Variants in KCNJ6 observed in about 807,000 individuals in gnomAD.
KCNJ6 encodes the protein potassium inwardly rectifying channel subfamily J member 6.
In KCNJ6, 9 loss-of-function variants were observed where a neutral mutation model predicts 34.2. The ratio of observed to expected loss-of-function variants is 0.26; its 90% CI spans 0.16 to 0.46. KCNJ6 has a LOEUF of 0.46. KCNJ6 is among the 20% of genes least tolerant of loss of function. The pLI is 1.00. For missense variants in KCNJ6, 236 were observed against 531.3 expected (o/e 0.44, Z 5.46); for synonymous variants, 196 against 207.1 (o/e 0.95, Z 0.46).
chr21:37,855,198 C>CT (rs2123595525), intron 1 of KCNJ6, among the ~76,000 whole-genome samples: 1 of 152,194 alleles, frequency 6.6e-6, no homozygotes, highest in East Asian at 1.9e-4. Flanking sequence ...TTCTTTTTCT[C>CT]TTTTTTACTT....
intron 3 of KCNJ6, among the ~76,000 whole-genome samples, chr21:37,672,268 GCTTCT>G (rs758993930): frequency 1.3e-5 from 2 of 152,038 alleles, no homozygotes; most frequent in Non-Finnish European, 2.9e-5. Context: ...TAGGAAGGAA[GCTTCT>G]CTTTTCTGTG....
chr21:37,797,072 CTTT>C (rs1163473871), intron 2 of KCNJ6, among the ~76,000 whole-genome samples: 3 of 151,890 alleles, frequency 2.0e-5, no homozygotes, highest in African/African-American at 7.3e-5. Context: ...GGCTTTCTTT[CTTT>C]TTTTAAGATG....
At chr21:37,778,083 TC>T (rs1423960182) in intron 2 of KCNJ6, among the ~76,000 whole-genome samples, 6 of 152,200 alleles carry the variant, frequency 3.9e-5, no homozygotes, top group Non-Finnish European at 5.9e-5. Context: ...CCTGAAGCGT[TC>T]AGGCATTCTG....
intron 3 of KCNJ6, among the ~76,000 whole-genome samples, chr21:37,694,541 G>A (rs576999026): frequency 6.6e-6 from 1 of 152,284 alleles, no homozygotes; most frequent in African/African-American, 2.4e-5. Flanking sequence ...ATTTTAGTCT[G>A]CAAAAAGTCA....
At chr21:37,874,707 G>A (rs2055669154) in intron 1 of KCNJ6, among the ~76,000 whole-genome samples, 1 of 152,148 alleles carries the variant, frequency 6.6e-6, no homozygotes, top group Non-Finnish European at 1.5e-5. Context: ...AGGAATGATG[G>A]GAGGGTGACA....
At chr21:37,914,054 T>TGC (rs1178811098) in intron 1 of KCNJ6, among the ~76,000 whole-genome samples, 1 of 150,898 alleles carries the variant, frequency 6.6e-6, no homozygotes, top group Non-Finnish European at 1.5e-5. Flanking sequence ...TGTGTGTCTG[T>TGC]GCGCGCGCGC....
intron 2 of KCNJ6, among the ~76,000 whole-genome samples, chr21:37,828,551 C>T (rs2055409751): frequency 1.3e-5 from 2 of 152,170 alleles, no homozygotes; most frequent in African/African-American, 4.8e-5. Context: ...CTTTCGGTGA[C>T]AAAGTAACAT....
At chr21:37,803,071 C>T (rs926422477) in intron 2 of KCNJ6, among the ~76,000 whole-genome samples, 8 of 152,212 alleles carry the variant, frequency 5.3e-5, no homozygotes, top group Non-Finnish European at 8.8e-5. Flanking sequence ...AAATAGTTGA[C>T]GTCCTTGGCT....
chr21:37,629,064 G>T (rs1405220370), intron 3 of KCNJ6, among the ~76,000 whole-genome samples: 2 of 152,026 alleles, frequency 1.3e-5, no homozygotes, highest in Non-Finnish European at 2.9e-5. Context: ...AAAATAAAAA[G>T]ACACTAGATA....
At position 37,807,468 on chromosome 21, in the gene KCNJ6, C is replaced by T. The variant is rs937915669; in HGVS notation, c.25+33190G>A. Reference sequence around the variant, plus strand: ...CATATTTAAGAACACAGTCATGTGTCGCATAACAACGTTTCTGTCATTGAC... The same window carrying T: ...CATATTTAAGAACACAGTCATGTGTTGCATAACAACGTTTCTGTCATTGAC... On this transcript the variant is annotated intron_variant, in intron 2 of 3. Coordinates refer to ENST00000609713, the MANE Select transcript of KCNJ6 (RefSeq NM_002240.5). Among the ~76,000 whole-genome samples, 7 of 152,304 alleles carry T rather than the reference C, an allele frequency of 4.6e-5. 1 individual carries two copies. The highest frequency in any genetic ancestry group is 4.1e-4 in the South Asian group (2 of 4,826).
chr21:37,688,383 A>T (rs3787817), intron 3 of KCNJ6, among the ~76,000 whole-genome samples: 2,223 of 114,292 alleles, frequency 0.019, 44 homozygotes, highest in African/African-American at 0.051. Context: ...TTTTTTTTAA[A>T]AAATCTACTA....
chr21:37,826,585 T>C (rs2154556), intron 2 of KCNJ6, among the ~76,000 whole-genome samples: 54,809 of 151,700 alleles, frequency 0.36, 11,045 homozygotes, highest in African/African-American at 0.54. Context: ...AAATACTTAG[T>C]GACTACTTGG....
chr21:37,757,787 C>T (rs1476929711), intron 2 of KCNJ6, among the ~76,000 whole-genome samples: 4 of 152,374 alleles, frequency 2.6e-5, no homozygotes, highest in Middle Eastern at 3.4e-3. Flanking sequence ...AAGAGAACAC[C>T]ATTTTGACTT....
intron 2 of KCNJ6, among the ~76,000 whole-genome samples, chr21:37,774,514 C>A (rs2055132915): frequency 6.6e-6 from 1 of 150,678 alleles, no homozygotes; most frequent in Non-Finnish European, 1.5e-5. Context: ...CCCTACCCCA[C>A]AACAGGCTCT....
intron 2 of KCNJ6, among the ~76,000 whole-genome samples, chr21:37,771,732 T>C (rs1048517302): frequency 3.3e-4 from 50 of 152,220 alleles, no homozygotes; most frequent in African/African-American, 1.2e-3. Flanking sequence ...TTCTAGTGAA[T>C]GATTTTTGGT....
intron 3 of KCNJ6, among the ~76,000 whole-genome samples, chr21:37,629,111 T>C (rs769980982): frequency 6.6e-6 from 1 of 152,156 alleles, no homozygotes; most frequent in Non-Finnish European, 1.5e-5. Context: ...CAGGGTGGTA[T>C]GGCCATAGAC....
intron 3 of KCNJ6, among the ~76,000 whole-genome samples, chr21:37,656,092 G>A (rs1260640971): frequency 6.6e-6 from 1 of 152,142 alleles, no homozygotes; most frequent in African/African-American, 2.4e-5. Context: ...AATGATAATG[G>A]GACATGGTGC....
chr21:37,732,702 A>G (rs1281522903), intron 2 of KCNJ6, among the ~76,000 whole-genome samples: 2 of 152,220 alleles, frequency 1.3e-5, no homozygotes, highest in Non-Finnish European at 2.9e-5. Flanking sequence ...AATTTTAGAC[A>G]GATGTTCCAA....
rs1359941508 is a variant in KCNJ6 at position 37,616,337 on chromosome 21, GTC to G, written c.*8820_*8821del. On this transcript the variant is annotated 3_prime_UTR_variant, in exon 4 of 4. Coordinates refer to ENST00000609713, the MANE Select transcript of KCNJ6 (RefSeq NM_002240.5). ...CCTATGAACTTGTGAGTTCACTGTT[GTC>G]TCTGTGTGGCTCTTGGTTAAGACGA... The G allele has an allele frequency of 2.6e-5, 4 of 151,936 alleles. No homozygotes were observed. The highest frequency in any genetic ancestry group is 5.9e-5 in the Non-Finnish European group (4 of 68,000). 9.4% of individuals were successfully genotyped at this position (151,936 alleles called of 1,614,324 possible). A position where few individuals can be genotyped will look rare whatever the true frequency, so the allele number is the denominator to read the frequency against.
Sources: allele counts gnomAD v4.1 joint callset (sites outside exome capture counted in the v4.1 genomes callset), GRCh38; gene constraint gnomAD v4.1.1; transcripts MANE v1.5; gene names NCBI Gene and HGNC (gene_info 2026-07-23, HGNC 2026-07-21).